The following GLI3 variants were observed in gnomAD, a reference collection of about 807,000 sequenced individuals.
GLI3 encodes GLI family zinc finger 3.
Under a neutral mutation model 100.8 loss-of-function variants are expected in GLI3, and 20 were observed. The ratio of observed to expected loss-of-function variants is 0.20; its 90% CI spans 0.14 to 0.29. The LOEUF is 0.29. Among genes scored for constraint, GLI3 ranks in the 10% least tolerant of loss-of-function variants. The pLI, the probability that GLI3 is intolerant of heterozygous loss-of-function variation, is 1.00. For synonymous variants in GLI3, 938 were observed against 860.5 expected, an observed-to-expected ratio of 1.09 and a Z score of -1.58; for missense variants, 2,040 against 2,128.5, an observed-to-expected ratio of 0.96 and a Z score of 0.82.
At chr7:42,085,460 GTTA>G (rs1785084254) in intron 3 of GLI3, among the ~76,000 whole-genome samples, 1 of 152,102 alleles carries the variant, frequency 6.6e-6, no homozygotes. Context: ...TTCCCAAAAC[GTTA>G]TTATTATTCT....
At chr7:42,127,797 CAGGGG>C (rs1786170553) in intron 3 of GLI3, among the ~76,000 whole-genome samples, 1 of 152,016 alleles carries the variant, frequency 6.6e-6, no homozygotes, top group African/African-American at 2.4e-5. Context: ...TGCTTGAGCT[CAGGGG>C]TTAGAGACCA....
intron 10 of GLI3, among the ~76,000 whole-genome samples, chr7:42,001,733 A>G (rs1788301569): frequency 6.6e-6 from 1 of 152,190 alleles, no homozygotes. Flanking sequence ...AGACTGTTAT[A>G]AAAATAAACA....
At chr7:42,078,600 G>A (rs1474468981) in intron 3 of GLI3, among the ~76,000 whole-genome samples, 1 of 152,126 alleles carries the variant, frequency 6.6e-6, no homozygotes. Flanking sequence ...GGGAGGGAGT[G>A]GGGGGCATGG....
intron 3 of GLI3, among the ~76,000 whole-genome samples, chr7:42,132,245 C>CGCCTGCTACCACGCCT (rs201880044): frequency 6.9e-6 from 1 of 145,488 alleles, no homozygotes; most frequent in African/African-American, 2.7e-5. Flanking sequence ...GGACTACAGG[C>CGCCTGCTACCACGCCT]GCCCGCCACT....
At chr7:42,120,203 A>C (rs1785961596) in intron 3 of GLI3, among the ~76,000 whole-genome samples, 1 of 152,226 alleles carries the variant, frequency 6.6e-6, no homozygotes, top group Non-Finnish European at 1.5e-5. Flanking sequence ...GACATTTCTA[A>C]GGTGGACACC....
intron 2 of GLI3, 89 bp downstream of exon 2, chr7:42,223,041 G>T (rs1788517046): frequency 6.7e-7 from 1 of 1,489,916 alleles, no homozygotes; most frequent in South Asian, 1.1e-5. Context: ...ACAAACACTG[G>T]TCCAGGTGCA....
At chr7:42,205,352 G>A (rs1413681327) in intron 2 of GLI3, among the ~76,000 whole-genome samples, 1 of 152,134 alleles carries the variant, frequency 6.6e-6, no homozygotes, top group Admixed American at 6.5e-5. Flanking sequence ...TCAAGGGTAA[G>A]AGCTCCAATA....
intron 10 of GLI3, among the ~76,000 whole-genome samples, chr7:42,018,628 T>G (rs1396445355): frequency 6.6e-6 from 1 of 152,204 alleles, no homozygotes; most frequent in Admixed American, 6.5e-5. Context: ...AGAAAGCCCC[T>G]CATTTTCATG....
chr7:42,134,354 T>G (rs1786374690), intron 3 of GLI3, among the ~76,000 whole-genome samples: 1 of 152,172 alleles, frequency 6.6e-6, no homozygotes. Flanking sequence ...GACCAAAAGC[T>G]GAACGATTCA....
At position 41,964,064 on chromosome 7, in the gene GLI3, G is replaced by GTTTT. The variant is rs550264781; in HGVS notation, c.*262_*265dup. ...TACTAAAAAGGGGGCGGGGCTTACA[G>GTTTT]TTTTTTTTTTTTTTTTTAAAAAGAG... On this transcript the variant is annotated 3_prime_UTR_variant, in exon 15 of 15. Coordinates refer to ENST00000395925, the MANE Select transcript of GLI3 (RefSeq NM_000168.6). The GTTTT allele has an allele frequency of 1.0e-3, 212 of 205,324 alleles. No individual in the cohort carries two copies. Among genetic ancestry groups the GTTTT allele is most frequent in the East Asian group, 3.1e-3 (24 of 7,690 alleles). The allele number at this position is 205,324 out of a possible 1,614,324, so 12.7% of individuals were successfully genotyped here.
intron 2 of GLI3, among the ~76,000 whole-genome samples, chr7:42,206,145 G>A (rs1324352838): frequency 6.6e-6 from 1 of 152,038 alleles, no homozygotes; most frequent in Non-Finnish European, 1.5e-5. Context: ...GTGCATGCCT[G>A]TAGTCTCAAC....
rs1356058866 is a variant in GLI3, at chr7:41,963,274, T to G, written c.*1056A>C. 6.6e-6 allele frequency: 1 copy of G among 152,120 alleles called. No homozygotes were observed. The highest frequency in any genetic ancestry group is 6.5e-5 in the Admixed American group (1 of 15,282). The allele number at this position is 152,120 out of a possible 1,614,324, so 9.4% of individuals were successfully genotyped here. On this transcript the variant is annotated 3_prime_UTR_variant, in exon 15 of 15. Transcript: ENST00000395925. Reference sequence around the variant, plus strand: ...TCCTCCCTCACTATAGTGGAATTAATAAATGTTACTGATACAGCCGCTTGT... The same window carrying G: ...TCCTCCCTCACTATAGTGGAATTAAGAAATGTTACTGATACAGCCGCTTGT...
chr7:42,129,038 T>C (rs894307874), intron 3 of GLI3, among the ~76,000 whole-genome samples: 1 of 152,262 alleles, frequency 6.6e-6, no homozygotes, highest in Non-Finnish European at 1.5e-5. Context: ...ATTTCTCACC[T>C]GTCCCTCCAA....
At chr7:42,006,876 C>T (rs543724145) in intron 10 of GLI3, among the ~76,000 whole-genome samples, 1 of 152,214 alleles carries the variant, frequency 6.6e-6, no homozygotes, top group South Asian at 2.1e-4. Flanking sequence ...TCTTTTTATT[C>T]ATTTCTTAGT....
chr7:42,184,614 C>A (rs2128684659), intron 2 of GLI3, among the ~76,000 whole-genome samples: 1 of 152,242 alleles, frequency 6.6e-6, no homozygotes, highest in South Asian at 2.1e-4. Context: ...TGAATGAAGC[C>A]ATGTAATATA....
intron 2 of GLI3, among the ~76,000 whole-genome samples, chr7:42,214,154 C>G (rs1173361629): frequency 6.6e-6 from 1 of 152,170 alleles, no homozygotes; most frequent in East Asian, 1.9e-4. Flanking sequence ...CTTTCAGTCT[C>G]GTTTTAGCAA....
rs78579310 is a variant in GLI3 at position 42,160,469 on chromosome 7, G to T, written c.125-12001C>A. On this transcript the variant is annotated intron_variant, in intron 2 of 14. Coordinates refer to ENST00000395925, the MANE Select transcript of GLI3 (RefSeq NM_000168.6). ...CTCATATCCATAGCCTTGGGGTCAC[G>T]GCATACAATATTTCTAATAATTTTG... Among the ~76,000 whole-genome samples the T allele has an allele frequency of 4.6e-3, 699 of 152,198 alleles. 4 individuals are homozygous for T. Among genetic ancestry groups the T allele is most frequent in the African/African-American group, 0.015 (630 of 41,504 alleles).
chr7:42,153,591 G>GT (rs1786929449), intron 2 of GLI3, among the ~76,000 whole-genome samples: 1 of 150,264 alleles, frequency 6.7e-6, no homozygotes, highest in Non-Finnish European at 1.5e-5. Flanking sequence ...TTAAGGGGGG[G>GT]TGGGGGGAAA....
chr7:42,259,898 T>G (rs1583679425), intron 1 of GLI3, among the ~76,000 whole-genome samples: 1 of 152,236 alleles, frequency 6.6e-6, no homozygotes, highest in African/African-American at 2.4e-5. Context: ...TTCTACTCAT[T>G]GCATTGTTGT....
Sources: gnomAD v4.1 joint callset for allele counts (sites outside exome capture counted in the v4.1 genomes callset) on GRCh38, gnomAD v4.1.1 for gene constraint, MANE v1.5 for transcripts, NCBI Gene and HGNC (gene_info 2026-07-23, HGNC 2026-07-21) for gene names.